Variants in ATXN3 observed in about 807,000 individuals in gnomAD.
The protein encoded by ATXN3 is ataxin-3.
In ATXN3, 28 loss-of-function variants were observed where a neutral mutation model predicts 58.2. That is an observed-to-expected ratio of 0.48 (90% confidence interval 0.36 to 0.66). The LOEUF (loss-of-function observed/expected upper bound fraction) is 0.66, where lower values mean the gene tolerates loss of function less well. Ranked by LOEUF, ATXN3 falls within the 30% of genes least tolerant of loss-of-function variation. ATXN3 has a pLI of 0.00. For synonymous variants in ATXN3, 113 were observed against 138.5 expected, an observed-to-expected ratio of 0.82 and a Z score of 1.29; for missense variants, 321 against 422.1, an observed-to-expected ratio of 0.76 and a Z score of 2.10.
At chr14:92,056,393 G>A (rs1355811363), downstream of ATXN3, among the ~76,000 whole-genome samples, 2 of 152,154 alleles carry the variant, frequency 1.3e-5, no homozygotes, top group African/African-American at 4.8e-5. Context: ...AAATGAATAA[G>A]CAAAATGTGC....
At chr14:92,090,715 C>T (rs1347428889) in intron 5 of ATXN3, 1 of 151,936 alleles carries the variant, frequency 6.6e-6, no homozygotes, top group African/African-American at 2.4e-5. Context: ...TTTTGAAGAA[C>T]TAAAATTTTT....
At chr14:92,081,215 T>C (rs2061397019) in intron 8 of ATXN3, among the ~76,000 whole-genome samples, 154 bp from the exon 9 acceptor site, 1 of 152,182 alleles carries the variant, frequency 6.6e-6, no homozygotes, top group South Asian at 2.1e-4. Flanking sequence ...CTCACACATG[T>C]AATCCCAGCA....
intron 1 of ATXN3, among the ~76,000 whole-genome samples, chr14:92,049,172 A>G (rs2057439395): frequency 6.6e-6 from 1 of 152,176 alleles, no homozygotes; most frequent in Non-Finnish European, 1.5e-5. Flanking sequence ...GTTCTTGAGA[A>G]CACAGGCTAA....
At chr14:92,088,960 G>A (rs2063169184) in intron 5 of ATXN3, 143 bp from the exon 6 acceptor site, 2 of 612,530 alleles carry the variant, frequency 3.3e-6, no homozygotes, top group Non-Finnish European at 2.9e-6. Flanking sequence ...TCTTTTCTTT[G>A]ACTGAATAAT....
chr14:92,093,342 T>TTC, intron 4 of ATXN3, 24 bp from the exon 5 acceptor site: 1 of 1,139,544 alleles, frequency 8.8e-7, no homozygotes, highest in Non-Finnish European at 1.3e-6. Flanking sequence ...CAGACAATAT[T>TTC]AACTTGAAAT....
In ATXN3 at chr14:92,080,890, T is replaced by C. The variant is rs982150169; in HGVS notation, c.872+75A>G. Reference sequence around the variant, plus strand: ...TCAAATATTCACAGGATTCAGGCAGTAACCATTTACAAATAGACAAAATAG... The same window carrying C: ...TCAAATATTCACAGGATTCAGGCAGCAACCATTTACAAATAGACAAAATAG... On this transcript the variant is annotated intron_variant, in intron 9 of 10. Transcript: ENST00000644486. The C allele has an allele frequency of 2.0e-5, 23 of 1,147,124 alleles. No homozygotes were observed. In the East Asian group the frequency reaches 5.4e-4, roughly 27 times the overall value. The allele number at this position is 1,147,124 out of a possible 1,614,324, so 71.1% of individuals were successfully genotyped here.
intron 1 of ATXN3, among the ~76,000 whole-genome samples, chr14:92,104,447 C>T (rs926628431): frequency 2.0e-5 from 3 of 152,140 alleles, no homozygotes; most frequent in African/African-American, 4.8e-5. Context: ...GGATTTCTTT[C>T]GGGTAAGTAG....
Position 92,083,132 on chromosome 14 carries a change from T to G in ATXN3, c.602A>C (p.Glu201Ala). 1 of 1,608,708 alleles carries G rather than the reference T, an allele frequency of 6.2e-7. No homozygotes were observed. Among genetic ancestry groups the G allele is most frequent in the South Asian group, 1.1e-5 (1 of 89,334 alleles). Residue 201 changes from glutamate to alanine, a missense_variant, in exon 7 of 11, where the codon GAG becomes GCG. This residue lies in a region of ATXN3 where 200 missense variants were observed against 223.2 expected (regional missense o/e 0.90). Transcript: ENST00000644486. ...CTGCAGGCCTCATTTTTACCTTTGC[T>G]CTTTTAGTTGTGCTAATTCTTCTCC... ...LIGEELAQLK[E>A]QRVHKTDLER...
At chr14:92,092,781 G>A (rs2064139192) in intron 5 of ATXN3, among the ~76,000 whole-genome samples, 1 of 150,598 alleles carries the variant, frequency 6.6e-6, no homozygotes, top group South Asian at 2.1e-4. Flanking sequence ...GATAAACCAT[G>A]CTACACACAC....
Position 92,061,608 on chromosome 14 carries a change from A to G in ATXN3, c.*2712T>C, listed in dbSNP as rs769942768. On this transcript the variant is annotated 3_prime_UTR_variant, in exon 11 of 11. Transcript: ENST00000644486. Reference sequence around the variant, plus strand: ...ATTAAACATTAAGATGTTCCCAATTAGTAAAACAAAATGGAAATCTTTAAT... The same window carrying G: ...ATTAAACATTAAGATGTTCCCAATTGGTAAAACAAAATGGAAATCTTTAAT... The G allele has an allele frequency of 1.3e-5, 2 of 152,228 alleles. No individual in the cohort carries two copies. Among genetic ancestry groups the G allele is most frequent in the Non-Finnish European group, 2.9e-5 (2 of 68,040 alleles). 9.4% of individuals were successfully genotyped at this position (152,228 alleles called of 1,614,324 possible). A position where few individuals can be genotyped will look rare whatever the true frequency, so the allele number is the denominator to read the frequency against.
chr14:92,075,617 G>A (rs1003025547), intron 9 of ATXN3, among the ~76,000 whole-genome samples: 5 of 152,100 alleles, frequency 3.3e-5, no homozygotes, highest in African/African-American at 9.7e-5. Context: ...CTAGAAAATC[G>A]TATGAATAAC....
rs189397136 is a variant in ATXN3, at chr14:92,082,090, G to A, written c.775+210C>T. On this transcript the variant is annotated intron_variant, in intron 8 of 10. Coordinates refer to ENST00000644486, the MANE Select transcript of ATXN3 (RefSeq NM_004993.6). ...GTGTTGAAACCAAATAAAATAACCAGGAGTAAAAATATAACTACTCCTAAT... is the reference window on the plus strand; with the variant it reads ...GTGTTGAAACCAAATAAAATAACCAAGAGTAAAAATATAACTACTCCTAAT... Among the ~76,000 whole-genome samples, 12 of 152,192 alleles carry A rather than the reference G, an allele frequency of 7.9e-5. No individual in the cohort carries two copies. The East Asian group carries it at 2.3e-3, about 29-fold the overall frequency.
intron 1 of ATXN3, among the ~76,000 whole-genome samples, chr14:92,048,241 G>A (rs1030517557): frequency 1.3e-5 from 2 of 152,238 alleles, no homozygotes; most frequent in African/African-American, 4.8e-5. Flanking sequence ...GGAAGGTCTT[G>A]TGTGCTGGAG....
chr14:92,097,197 C>CCCTGCCAGGCCCCTACTA (rs1566979198), intron 1 of ATXN3, among the ~76,000 whole-genome samples: 1 of 151,592 alleles, frequency 6.6e-6, no homozygotes, highest in Admixed American at 6.6e-5. Flanking sequence ...GCGTGAGCCA[C>CCCTGCCAGGCCCCTACTA]TGCGCCCGGC....
chr14:92,070,826 T>C (rs1162146260), intron 10 of ATXN3, 109 bp downstream of exon 10: 1 of 1,596,930 alleles, frequency 6.3e-7, no homozygotes, highest in East Asian at 2.2e-5. Context: ...AGATTCTTAA[T>C]ATGATTAAAG....
At chr14:92,092,323 T>A (rs773687956) in intron 5 of ATXN3, among the ~76,000 whole-genome samples, 1 of 152,240 alleles carries the variant, frequency 6.6e-6, no homozygotes, top group Non-Finnish European at 1.5e-5. Flanking sequence ...CTGTCCTAGC[T>A]GGTTTTCAAT....
At chr14:92,088,214 G>A (rs760806353) in intron 6 of ATXN3, among the ~76,000 whole-genome samples, 27 of 152,114 alleles carry the variant, frequency 1.8e-4, no homozygotes, top group Non-Finnish European at 3.2e-4. Flanking sequence ...GACTACAGGC[G>A]TCCGCCACCA....
chr14:92,091,398 C>A (rs1313284424), intron 5 of ATXN3, among the ~76,000 whole-genome samples: 1 of 151,766 alleles, frequency 6.6e-6, no homozygotes, highest in Admixed American at 6.6e-5. Context: ...TTGCAGGGAG[C>A]CAAGATCCCG....
chr14:92,066,695 C>A (rs2058505153), intron 10 of ATXN3, among the ~76,000 whole-genome samples: 1 of 151,084 alleles, frequency 6.6e-6, no homozygotes, highest in Non-Finnish European at 1.5e-5. Flanking sequence ...GCAACCTCCA[C>A]CTCCTGGGTT....
Sources: allele counts gnomAD v4.1 joint callset (sites outside exome capture counted in the v4.1 genomes callset), GRCh38; gene constraint gnomAD v4.1.1; regional missense constraint gnomAD v4.1.1; transcripts MANE v1.5; gene names NCBI Gene and HGNC (gene_info 2026-07-23, HGNC 2026-07-21).